Variants in TAX1BP1 observed in about 807,000 individuals in gnomAD.
The protein encoded by TAX1BP1 is Tax1 binding protein 1.
A neutral mutation model predicts 97.7 loss-of-function variants in TAX1BP1; 62 were observed. The ratio of observed to expected loss-of-function variants is 0.63; its 90% CI spans 0.52 to 0.78. The LOEUF is 0.78. TAX1BP1 is among the 30% of genes least tolerant of loss of function. The probability of loss-of-function intolerance (pLI) is 0.00; values close to 1 mark genes in which losing one functional copy is unlikely to be tolerated. For missense variants in TAX1BP1, 867 were observed against 916.1 expected (o/e 0.95, Z 0.69); for synonymous variants, 340 against 304.2 (o/e 1.12, Z -1.23).
chr7:27,795,983 A>G, intron 11 of TAX1BP1, 133 bp from the exon 12 acceptor site: 1 of 632,584 alleles, frequency 1.6e-6, no homozygotes, highest in Non-Finnish European at 2.7e-6. Context: ...CTAGGATATG[A>G]ATAGATATTT....
intron 8 of TAX1BP1, among the ~76,000 whole-genome samples, chr7:27,791,097 TC>T (rs1172865078): frequency 6.6e-6 from 1 of 152,176 alleles, no homozygotes; most frequent in African/African-American, 2.4e-5. Context: ...TAGTTCTTTT[TC>T]TTCTCCTTTG....
At chr7:27,792,290 A>T in intron 9 of TAX1BP1, 60 bp downstream of exon 9, 1 of 1,417,550 alleles carries the variant, frequency 7.1e-7, no homozygotes, top group Non-Finnish European at 9.7e-7. Context: ...AATCTCACAA[A>T]GTAGTAAATT....
intron 8 of TAX1BP1, among the ~76,000 whole-genome samples, chr7:27,789,499 T>G (rs960856229): frequency 1.6e-4 from 24 of 151,976 alleles, no homozygotes; most frequent in African/African-American, 5.5e-4. Context: ...TAAGCTTATA[T>G]ATGCATGTGT....
intron 5 of TAX1BP1, among the ~76,000 whole-genome samples, chr7:27,775,771 G>T (rs892190182): frequency 9.9e-5 from 15 of 152,144 alleles, no homozygotes; most frequent in African/African-American, 3.6e-4. Flanking sequence ...ACCCCAGCAT[G>T]CTCAAGACAT....
chr7:27,793,436 G>GA (rs909153085), intron 10 of TAX1BP1, among the ~76,000 whole-genome samples: 4 of 152,034 alleles, frequency 2.6e-5, no homozygotes, highest in Non-Finnish European at 5.9e-5. Flanking sequence ...GGAAAAAACA[G>GA]AAAAAAGTCT....
chr7:27,781,526 A>G (rs1046493619), intron 5 of TAX1BP1, among the ~76,000 whole-genome samples: 1 of 152,156 alleles, frequency 6.6e-6, no homozygotes, highest in African/African-American at 2.4e-5. Context: ...CAGTAAAAAT[A>G]TTGTATAAAA....
At chr7:27,747,588 TAGG>T (rs990827196) in intron 1 of TAX1BP1, among the ~76,000 whole-genome samples, 1 of 152,286 alleles carries the variant, frequency 6.6e-6, no homozygotes, top group African/African-American at 2.4e-5. Flanking sequence ...GAAGAACAAA[TAGG>T]CTGAGCCATT....
At chr7:27,794,107 G>A (rs1377079618) in intron 10 of TAX1BP1, among the ~76,000 whole-genome samples, 1 of 152,130 alleles carries the variant, frequency 6.6e-6, no homozygotes, top group Non-Finnish European at 1.5e-5. Flanking sequence ...ATAAGAAAAA[G>A]CAAAATATAG....
At position 27,785,158 on chromosome 7, in the gene TAX1BP1, C is replaced by A; in HGVS notation, c.613-5C>A. On this transcript the variant is annotated splice_polypyrimidine_tract_variant and splice_region_variant and intron_variant, in intron 5 of 16. Transcript: ENST00000396319. ...TTCTCAAAATACCTTGTTGTCACTT[C>A]TCAGGGTCTTACTGAAGTAACACAA... 1 of 1,599,662 alleles carries A rather than the reference C, an allele frequency of 6.3e-7. No homozygotes were observed. The highest frequency in any genetic ancestry group is 8.5e-7 in the Non-Finnish European group (1 of 1,175,710).
chr7:27,819,201 T>C (rs958183574), intron 15 of TAX1BP1, among the ~76,000 whole-genome samples: 32 of 152,046 alleles, frequency 2.1e-4, no homozygotes, highest in African/African-American at 7.5e-4. Context: ...AACTGCTCCA[T>C]GATGTTAAGT....
intron 1 of TAX1BP1, among the ~76,000 whole-genome samples, chr7:27,740,553 A>G (rs1053988398): frequency 3.3e-5 from 5 of 151,610 alleles, no homozygotes; most frequent in African/African-American, 1.2e-4. Context: ...GGCCTTCGCG[A>G]TTTGGGGGAG....
At chr7:27,751,023 A>G (rs1788000510) in intron 2 of TAX1BP1, among the ~76,000 whole-genome samples, 1 of 152,200 alleles carries the variant, frequency 6.6e-6, no homozygotes, top group Non-Finnish European at 1.5e-5. Flanking sequence ...CATCTGTAGA[A>G]TAATGCCAAG....
intron 3 of TAX1BP1, among the ~76,000 whole-genome samples, chr7:27,765,002 CCT>C (rs139654486): frequency 7.0e-4 from 1 of 1,422 alleles, no homozygotes; most frequent in African/African-American, 3.8e-3. Flanking sequence ...GTCTGCCTCT[CCT>C]CTCTGTTTTT....
chr7:27,780,423 G>C (rs1051733692), intron 5 of TAX1BP1, among the ~76,000 whole-genome samples: 2 of 151,964 alleles, frequency 1.3e-5, no homozygotes, highest in Non-Finnish European at 2.9e-5. Context: ...TCATGTGAAC[G>C]AGCCTTATAG....
rs370440206 is a variant in TAX1BP1, at chr7:27,792,236, A to G, written c.1263+6A>G. On this transcript the variant is annotated splice_donor_region_variant and intron_variant, in intron 9 of 16. Transcript: ENST00000396319. ...ATGCTATGAAAAAAGATCAGGTAAA[A>G]CAAGTTAATTTTGAATTTGCATTTT... 2.1e-4 allele frequency: 336 copies of G among 1,591,772 alleles called. No individual in the cohort carries two copies. In the African/African-American group the frequency reaches 3.9e-3, roughly 18 times the overall value.
chr7:27,770,963 CTATA>C (rs1373660755), intron 5 of TAX1BP1, among the ~76,000 whole-genome samples: 1 of 151,922 alleles, frequency 6.6e-6, no homozygotes, highest in East Asian at 1.9e-4. Flanking sequence ...CTGCAGCAGA[CTATA>C]GGAGTAGGAT....
intron 4 of TAX1BP1, among the ~76,000 whole-genome samples, chr7:27,768,225 A>C (rs1275822436): frequency 3.3e-5 from 5 of 152,004 alleles, no homozygotes; most frequent in Non-Finnish European, 7.4e-5. Flanking sequence ...AATGGCTTAG[A>C]AGAAAAAAGG....
intron 5 of TAX1BP1, among the ~76,000 whole-genome samples, chr7:27,773,886 T>G (rs903609585): frequency 1.3e-5 from 2 of 152,080 alleles, no homozygotes; most frequent in African/African-American, 4.8e-5. Flanking sequence ...TTCAGTTAAT[T>G]TAGCTTATAA....
chr7:27,822,214 A>G (rs1044809893), intron 15 of TAX1BP1, among the ~76,000 whole-genome samples: 2 of 152,218 alleles, frequency 1.3e-5, no homozygotes, highest in African/African-American at 4.8e-5. Flanking sequence ...AGCATTTTGG[A>G]TAAGGGGGAC....
Sources: gnomAD v4.1 joint callset for allele counts (sites outside exome capture counted in the v4.1 genomes callset) on GRCh38, gnomAD v4.1.1 for gene constraint, MANE v1.5 for transcripts, NCBI Gene and HGNC (gene_info 2026-07-23, HGNC 2026-07-21) for gene names.